ABCD3: variants seen among roughly 807,000 people sequenced by gnomAD.
ABCD3 encodes the protein ATP binding cassette subfamily D member 3.
ABCD3 carries 41 observed loss-of-function variants against 105.5 expected under a neutral mutation model. That is an observed-to-expected ratio of 0.39 (90% confidence interval 0.30 to 0.50). The LOEUF (loss-of-function observed/expected upper bound fraction) is 0.50, where lower values mean the gene tolerates loss of function less well. Among genes scored for constraint, ABCD3 ranks in the 20% least tolerant of loss-of-function variants. The pLI is 0.84. For synonymous variants in ABCD3, 258 were observed against 269.0 expected (o/e 0.96, Z 0.40); for missense variants, 622 against 806.3 (o/e 0.77, Z 2.77).
At chr1:94,410,656 T>C in the ABCD3 span, among the ~76,000 whole-genome samples, 1 of 152,122 alleles carries the variant, frequency 6.6e-6, no homozygotes, top group Admixed American at 6.5e-5. Flanking sequence ...TCTGAAGATC[T>C]CAGCCTCACC....
At chr1:94,501,003 AAG>A (rs1650065710) in intron 20 of ABCD3, among the ~76,000 whole-genome samples, 1 of 152,180 alleles carries the variant, frequency 6.6e-6, no homozygotes, top group African/African-American at 2.4e-5. Context: ...GAGAAAATGG[AAG>A]GATGTGGTTC....
At chr1:94,499,353 T>C (rs1649982556) in intron 19 of ABCD3, 142 bp from the exon 20 acceptor site, 1 of 986,972 alleles carries the variant, frequency 1.0e-6, no homozygotes, top group Admixed American at 2.0e-5. Flanking sequence ...AGGGCTACCT[T>C]GTGCCACATT....
At chr1:94,445,042 G>A (rs1461393271) in intron 1 of ABCD3, among the ~76,000 whole-genome samples, 1 of 152,194 alleles carries the variant, frequency 6.6e-6, no homozygotes, top group African/African-American at 2.4e-5. Context: ...TAACTAGCCA[G>A]ACCCATCCCC....
chr1:94,476,538 A>G (rs890564075), intron 7 of ABCD3, among the ~76,000 whole-genome samples: 1 of 152,160 alleles, frequency 6.6e-6, no homozygotes, highest in Non-Finnish European at 1.5e-5. Flanking sequence ...TGGACCAATG[A>G]TAGTATCTTT....
At chr1:94,475,884 GT>G (rs1166307327) in intron 7 of ABCD3, 147 bp downstream of exon 7, 5 of 651,496 alleles carry the variant, frequency 7.7e-6, no homozygotes, top group Admixed American at 3.4e-5. Context: ...TGTTGTAATA[GT>G]TTTAATTATT....
At chr1:94,475,062 A>G (rs1380662285) in intron 5 of ABCD3, 81 bp from the exon 6 acceptor site, 2 of 917,968 alleles carry the variant, frequency 2.2e-6, no homozygotes, top group African/African-American at 3.3e-5. Context: ...TTTGGGACAC[A>G]GGAAATAATA....
At position 94,515,167 on chromosome 1, in the gene ABCD3, G is replaced by A; in HGVS notation, c.1867G>A (p.Val623Met). The A allele has an allele frequency of 6.2e-7, 1 of 1,610,366 alleles. No individual in the cohort carries two copies. Among genetic ancestry groups the A allele is most frequent in the Non-Finnish European group, 8.5e-7 (1 of 1,177,498 alleles). Residue 623 changes from valine (V) to methionine (M), a missense_variant, in exon 22 of 23, where the codon GTG (valine) becomes ATG (methionine). Val to Met is a conservative substitution (Grantham distance 21, BLOSUM62 1). Transcript: ENST00000370214. ...TTAGGTTGGCATCACTCTCTTCACT[G>A]TGTCTCATAGGAAATCTCTTTGGAA... ...CRKVGITLFT[V>M]SHRKSLWKHH...
At chr1:94,473,939 A>T in intron 5 of ABCD3, 104 bp downstream of exon 5, 1 of 846,712 alleles carries the variant, frequency 1.2e-6, no homozygotes, top group Non-Finnish European at 1.9e-6. Flanking sequence ...TATGATACTA[A>T]GTTCCTATTT....
At chr1:94,414,040 A>G (rs1658959208), upstream of ABCD3, among the ~76,000 whole-genome samples, 1 of 152,150 alleles carries the variant, frequency 6.6e-6, no homozygotes, top group Admixed American at 6.5e-5. Flanking sequence ...TCAAGGGAAG[A>G]CTACAGAAGT....
chr1:94,488,203 GT>G (rs1250804461), intron 13 of ABCD3, among the ~76,000 whole-genome samples: 1 of 152,074 alleles, frequency 6.6e-6, no homozygotes, highest in Non-Finnish European at 1.5e-5. Context: ...CTGTCAAGTT[GT>G]TTGCTCCATG....
chr1:94,452,936 C>T (rs1455552338), intron 1 of ABCD3, among the ~76,000 whole-genome samples: 1 of 152,058 alleles, frequency 6.6e-6, no homozygotes, highest in Non-Finnish European at 1.5e-5. Context: ...CAGGGTTTCA[C>T]CATGTTGGCC....
At position 94,418,566 on chromosome 1, in the gene ABCD3, C is replaced by T; in HGVS notation, c.88C>T (p.Arg30Cys). ...FLLLCLLHKRRRALGLHGKKS... is the reference protein window; with the variant it reads ...FLLLCLLHKRCRALGLHGKKS... ...GCTGCTCTGCCTGCTCCACAAGCGG[C>T]GCCGCGCCCTCGGCCTGCACGGGTA... Residue 30 changes from arginine (R) to cysteine (C), a missense_variant, in exon 1 of 23, where the codon CGC becomes TGC. This residue lies in a region of ABCD3 where 89 missense variants were observed against 77.5 expected (regional missense o/e 1.15). Coordinates refer to ENST00000370214, the MANE Select transcript of ABCD3 (RefSeq NM_002858.4). 1 of 1,601,444 alleles carries T rather than the reference C, an allele frequency of 6.2e-7. No homozygotes were observed. Among genetic ancestry groups the T allele is most frequent in the Non-Finnish European group, 8.5e-7 (1 of 1,178,366 alleles).
At chr1:94,454,510 A>G (rs1157796640) in intron 1 of ABCD3, among the ~76,000 whole-genome samples, 2 of 152,090 alleles carry the variant, frequency 1.3e-5, no homozygotes, top group Non-Finnish European at 2.9e-5. Context: ...GGAGGAAGCT[A>G]GAGATTTTGA....
Position 94,475,719 on chromosome 1 carries a change from G to A in ABCD3, c.609G>A (p.Leu203=). Residue 203 remains leucine (L), a synonymous_variant, in exon 7 of 23, where the codon CTG becomes CTA. Transcript: ENST00000370214. ...AATTTTGTAACAGTGTAGTCGATCT[G>A]TATTCAAATCTTAGTAAGGTAAGTT... The part of the protein sequence containing the change: ...VEKFCNSVVD[L]YSNLSKPFLD... The A allele has an allele frequency of 6.2e-7, 1 of 1,604,396 alleles. No individual in the cohort carries two copies. The highest frequency in any genetic ancestry group is 8.5e-7 in the Non-Finnish European group (1 of 1,171,808).
chr1:94,468,453 A>G (rs1206357687), intron 4 of ABCD3, among the ~76,000 whole-genome samples: 2 of 152,232 alleles, frequency 1.3e-5, no homozygotes, highest in Non-Finnish European at 2.9e-5. Context: ...TTCTTTCTGC[A>G]TCTGGTGATA....
Position 94,421,405 on chromosome 1 carries a change from A to C in ABCD3, c.110+2817A>C, listed in dbSNP as rs2100865349. Among the ~76,000 whole-genome samples, 2 of 152,320 alleles carry C rather than the reference A, an allele frequency of 1.3e-5. 1 individual carries two copies. The highest frequency in any genetic ancestry group is 4.8e-5 in the African/African-American group (2 of 41,570). ...GCTTGTATTCACTCCTGATTCCAGC[A>C]CTGCTAAGCTAACTTTTTCACCTTA... On this transcript the variant is annotated intron_variant, in intron 1 of 22. Coordinates refer to ENST00000370214, the MANE Select transcript of ABCD3 (RefSeq NM_002858.4).
chr1:94,387,673 A>G, the ABCD3 span, among the ~76,000 whole-genome samples: 6 of 152,310 alleles, frequency 3.9e-5, no homozygotes, highest in African/African-American at 1.4e-4. Context: ...TAGTTGTGGG[A>G]GGAAAATAGC....
At chr1:94,394,897 T>A in the ABCD3 span, among the ~76,000 whole-genome samples, 1 of 152,216 alleles carries the variant, frequency 6.6e-6, no homozygotes, top group South Asian at 2.1e-4. Flanking sequence ...TAATTTTCAA[T>A]CGTGTCTATC....
intron 1 of ABCD3, among the ~76,000 whole-genome samples, chr1:94,445,161 C>T (rs1660300132): frequency 1.3e-5 from 2 of 152,150 alleles, no homozygotes. Flanking sequence ...GTGGGTAAAT[C>T]TCTGTTTGGG....
Sources: allele counts gnomAD v4.1 joint callset (sites outside exome capture counted in the v4.1 genomes callset), GRCh38; gene constraint gnomAD v4.1.1; regional missense constraint gnomAD v4.1.1; transcripts MANE v1.5; gene names NCBI Gene and HGNC (gene_info 2026-07-23, HGNC 2026-07-21).